TBC1D2B: variants seen among roughly 807,000 people sequenced by gnomAD.
The protein encoded by TBC1D2B is TBC1 domain family member 2B, also known as TBC1 domain family, member 2B.
TBC1D2B carries 64 observed loss-of-function variants against 100.8 expected under a neutral mutation model. That is an observed-to-expected ratio of 0.64 (90% CI 0.52 to 0.78). The LOEUF is 0.78. TBC1D2B is among the 30% of genes least tolerant of loss of function. TBC1D2B has a pLI of 0.00. For missense variants in TBC1D2B, 1,052 were observed against 1,218.4 expected, an observed-to-expected ratio of 0.86 and a Z score of 2.03; for synonymous variants, 480 against 479.7, an observed-to-expected ratio of 1.00 and a Z score of -0.01.
At chr15:78,031,207 T>C (rs1473842692) in intron 3 of TBC1D2B, among the ~76,000 whole-genome samples, 4 of 152,184 alleles carry the variant, frequency 2.6e-5, no homozygotes, top group African/African-American at 9.7e-5. Context: ...ATTACAATTA[T>C]CAAATACAGA....
At position 78,003,403 on chromosome 15, in the gene TBC1D2B, G is replaced by A. The variant is rs756551315; in HGVS notation, c.2476C>T (p.Leu826Phe). 6.2e-7 allele frequency: 1 copy of A among 1,613,916 alleles called. No individual in the cohort carries two copies. Among genetic ancestry groups the A allele is most frequent in the Admixed American group, 1.7e-5 (1 of 60,032 alleles). The change falls in exon 11 of 13, where the codon CTC (leucine) becomes TTC (phenylalanine). Residue 826 changes from leucine to phenylalanine, a missense_variant. Physicochemically the swap from Leu to Phe is conservative, Grantham distance 22 (BLOSUM62 0). This residue lies in a region of TBC1D2B where 373 missense variants were observed against 464.9 expected (regional missense o/e 0.80). Transcript: ENST00000300584. The stretch of plus-strand genomic sequence containing the variant: ...ACCAGAAACCAGTTGAAAGTGATGA[G>A]AGTGTAGTCGACTTTGTACTGTTCA... ...HFEQYKVDYT[L>F]ITFNWFLVVF...
chr15:78,016,547 T>G lies in TBC1D2B; in HGVS notation c.1774A>C (p.Ser592Arg). 1.9e-6 allele frequency: 3 copies of G among 1,611,774 alleles called. No homozygotes were observed. Among genetic ancestry groups the G allele is most frequent in the African/African-American group, 1.3e-5 (1 of 74,992 alleles). ...EQAFVKPHLV[S>R]EYDIYGFRTV... ...CTCAACAGTCACTAGCACATTTACC[T>G]GACAAGATGAGGTTTAACAAATGCT... The change falls in exon 8 of 13, where the codon AGT becomes CGT. Residue 592 changes from serine (S) to arginine (R), a missense_variant and splice_region_variant. By Grantham distance (110) the Ser-to-Arg change is moderately radical (BLOSUM62 -1). Around this residue, in one of 4 missense-constraint regions of TBC1D2B, gnomAD observed 373 missense variants for 464.9 expected, o/e 0.80. Transcript: ENST00000300584.
chr15:78,021,771 G>A (rs2072522089), intron 6 of TBC1D2B, among the ~76,000 whole-genome samples: 1 of 152,142 alleles, frequency 6.6e-6, no homozygotes, highest in African/African-American at 2.4e-5. Flanking sequence ...AAATGTTGGA[G>A]GAAAAAAACT....
At position 78,025,262 on chromosome 15, in the gene TBC1D2B, C is replaced by T; in HGVS notation, c.1083G>A (p.Gln361=). 6.2e-7 allele frequency: 1 copy of T among 1,613,096 alleles called. No homozygotes were observed. ...AGAAGCCAGAAGAAGAAGTTACCTTCTGACTGGACAGGTCTTTCTTTAACT... is the reference window on the plus strand; with the variant it reads ...AGAAGCCAGAAGAAGAAGTTACCTTTTGACTGGACAGGTCTTTCTTTAACT... ...LEQLKKDLSS[Q]KELVRLLQQT... The change falls in exon 5 of 13, where the codon CAG becomes CAA. Residue 361 remains glutamine (Q), a synonymous_variant. Transcript: ENST00000300584.
chr15:78,057,201 TTCCTGA>T (rs1400371587), intron 1 of TBC1D2B, among the ~76,000 whole-genome samples: 1 of 143,524 alleles, frequency 7.0e-6, no homozygotes, highest in African/African-American at 3.0e-5. Flanking sequence ...TCTCACTAAA[TTCCTGA>T]GGCAAAACTT....
chr15:78,054,387 T>A (rs1019731097), intron 1 of TBC1D2B, among the ~76,000 whole-genome samples, 200 bp from the exon 2 acceptor site: 1 of 152,228 alleles, frequency 6.6e-6, no homozygotes, highest in Non-Finnish European at 1.5e-5. Flanking sequence ...CATGAAGAAC[T>A]GAACCCAATT....
intron 6 of TBC1D2B, among the ~76,000 whole-genome samples, chr15:78,019,978 C>T (rs2072476729): frequency 6.6e-6 from 1 of 152,014 alleles, no homozygotes; most frequent in South Asian, 2.1e-4. Flanking sequence ...CAGCCTCGAA[C>T]TCCTGGGCAT....
chr15:78,040,121 G>A (rs1050893645), intron 3 of TBC1D2B, among the ~76,000 whole-genome samples: 5 of 152,112 alleles, frequency 3.3e-5, no homozygotes, highest in African/African-American at 4.8e-5. Flanking sequence ...ACGCTCACAC[G>A]TGTGCTCAGG....
At chr15:78,016,844 G>T in intron 7 of TBC1D2B, 105 bp from the exon 8 acceptor site, 1 of 874,246 alleles carries the variant, frequency 1.1e-6, no homozygotes, top group Non-Finnish European at 1.7e-6. Context: ...CTATTAGGAA[G>T]TGAGCCAGAG....
At chr15:78,001,581 C>T (rs758893152) in intron 12 of TBC1D2B, 38 bp downstream of exon 12, 4 of 1,582,742 alleles carry the variant, frequency 2.5e-6, no homozygotes, top group Non-Finnish European at 2.6e-6. Context: ...GTCAGGCTTC[C>T]TGCTCTCCTT....
At chr15:78,038,084 C>G (rs565714155) in intron 3 of TBC1D2B, among the ~76,000 whole-genome samples, 5 of 152,270 alleles carry the variant, frequency 3.3e-5, no homozygotes, top group Admixed American at 3.3e-4. Context: ...CCCCAAGCAG[C>G]GGGAGCAAGA....
intron 6 of TBC1D2B, among the ~76,000 whole-genome samples, chr15:78,023,147 C>G (rs902109252): frequency 2.0e-5 from 3 of 152,186 alleles, no homozygotes; most frequent in African/African-American, 7.2e-5. Flanking sequence ...CAGTAACAAC[C>G]TGGACAGCAG....
At chr15:78,015,003 C>T (rs1303552062) in intron 8 of TBC1D2B, among the ~76,000 whole-genome samples, 1 of 152,128 alleles carries the variant, frequency 6.6e-6, no homozygotes, top group African/African-American at 2.4e-5. Context: ...AGATCGAGAC[C>T]ATCCTGGCTA....
At chr15:78,004,717 G>C (rs1013904029) in intron 10 of TBC1D2B, among the ~76,000 whole-genome samples, 6 of 152,150 alleles carry the variant, frequency 3.9e-5, no homozygotes, top group African/African-American at 1.2e-4. Flanking sequence ...TAAAAACCTA[G>C]TACCAACCTA....
intron 1 of TBC1D2B, among the ~76,000 whole-genome samples, chr15:78,069,848 A>G (rs1415310600): frequency 6.6e-6 from 1 of 152,222 alleles, no homozygotes; most frequent in Non-Finnish European, 1.5e-5. Context: ...TCTAAAGCAG[A>G]GTGAGCCCTC....
At chr15:78,075,690 A>T (rs1278063695) in intron 1 of TBC1D2B, among the ~76,000 whole-genome samples, 1 of 152,240 alleles carries the variant, frequency 6.6e-6, no homozygotes, top group Non-Finnish European at 1.5e-5. Flanking sequence ...CTCTCTAAGT[A>T]AGCCTGTGTA....
At chr15:78,063,873 T>C (rs2073600642) in intron 1 of TBC1D2B, among the ~76,000 whole-genome samples, 1 of 150,618 alleles carries the variant, frequency 6.6e-6, no homozygotes, top group Non-Finnish European at 1.5e-5. Flanking sequence ...GGTCTCCAGA[T>C]TCATCTACCC....
intron 2 of TBC1D2B, among the ~76,000 whole-genome samples, chr15:78,048,916 C>T (rs1210459045): frequency 1.3e-5 from 2 of 152,208 alleles, no homozygotes; most frequent in South Asian, 2.1e-4. Context: ...TCAACCCAGG[C>T]TTGCAGCTGC....
In TBC1D2B at chr15:78,033,859, T is replaced by C. The variant is rs563325099; in HGVS notation, c.684-3689A>G. Among the ~76,000 whole-genome samples the C allele has an allele frequency of 3.9e-5, 6 of 152,358 alleles. No individual in the cohort carries two copies. In the East Asian group the frequency reaches 1.2e-3, roughly 29 times the overall value. Reference sequence around the variant, plus strand: ...TTTTAAAGCATATCATTTTTCCTTTTTACTTGTACTTTAAACATTCAGAAG... The same window carrying C: ...TTTTAAAGCATATCATTTTTCCTTTCTACTTGTACTTTAAACATTCAGAAG... On this transcript the variant is annotated intron_variant, in intron 3 of 12. Transcript: ENST00000300584.
Sources: allele counts gnomAD v4.1 joint callset (sites outside exome capture counted in the v4.1 genomes callset), GRCh38; gene constraint gnomAD v4.1.1; regional missense constraint gnomAD v4.1.1; transcripts MANE v1.5; gene names NCBI Gene and HGNC (gene_info 2026-07-23, HGNC 2026-07-21).